EIF2AK4: variants seen among roughly 807,000 people sequenced by gnomAD.
EIF2AK4 encodes eukaryotic translation initiation factor 2 alpha kinase 4.
EIF2AK4 carries 139 observed loss-of-function variants against 211.1 expected under a neutral mutation model. That is an observed-to-expected ratio of 0.66 (90% confidence interval 0.57 to 0.76). The LOEUF (loss-of-function observed/expected upper bound fraction) is 0.76, where lower values mean the gene tolerates loss of function less well. EIF2AK4 is among the 30% of genes least tolerant of loss of function. The pLI, the probability that EIF2AK4 is intolerant of heterozygous loss-of-function variation, is 0.00. For missense variants in EIF2AK4, 1,664 were observed against 2,043.8 expected (o/e 0.81, Z 3.58); for synonymous variants, 710 against 751.3 (o/e 0.94, Z 0.90).
In EIF2AK4 at chr15:39,950,589, CAAAAAAA is replaced by C. The variant is rs771231139; in HGVS notation, c.513+1332_513+1338del. 1.2e-4 allele frequency among the ~76,000 whole-genome samples: 7 copies of C among 59,780 alleles called. No homozygotes were observed. The South Asian group carries it at 2.1e-3, about 18-fold the overall frequency. The allele number at this position is 59,780 out of a possible 152,430, so 39.2% of individuals were successfully genotyped here. On this transcript the variant is annotated intron_variant, in intron 4 of 38. Coordinates refer to ENST00000263791, the MANE Select transcript of EIF2AK4 (RefSeq NM_001013703.4). ...CTGGGCGACAACTAGACTCTGTCTT[CAAAAAAA>C]AAAAAAAAAAGAAAAGAAAAGAAAA...
rs200699205 is a variant in EIF2AK4, at chr15:39,976,797, G to C, written c.2202G>C (p.Glu734Asp). 1.1e-5 allele frequency: 17 copies of C among 1,574,414 alleles called. No individual in the cohort carries two copies. Among genetic ancestry groups the C allele is most frequent in the Non-Finnish European group, 1.4e-5 (16 of 1,163,050 alleles). The stretch of plus-strand genomic sequence containing the variant: ...CCGGCCCGGGCTCCAGCGATGACGA[G>C]GACGACGACGAGGACGAGCACGGTG... ...PATGPGSSDD[E>D]DDDEDEHGGV... Residue 734 changes from glutamate to aspartate, a missense_variant, in exon 12 of 39, where the codon GAG becomes GAC. Glu to Asp is a conservative substitution (Grantham distance 45, BLOSUM62 2). This residue lies in a region of EIF2AK4 where 206 missense variants were observed against 201.9 expected (regional missense o/e 1.02). Transcript: ENST00000263791.
At position 40,031,146 on chromosome 15, in the gene EIF2AK4, AG is replaced by A. The variant is rs532527793; in HGVS notation, c.4659+692del. The stretch of plus-strand genomic sequence containing the variant: ...TCCCAGCCACTCGGGAGGCTGAGAC[AG>A]GAGAATTGCTTGAACTGGGGAGGCA... On this transcript the variant is annotated intron_variant, in intron 35 of 38. Coordinates refer to ENST00000263791, the MANE Select transcript of EIF2AK4 (RefSeq NM_001013703.4). 8.5e-5 allele frequency among the ~76,000 whole-genome samples: 13 copies of A among 152,310 alleles called. No homozygotes were observed. In the South Asian group the frequency reaches 2.7e-3, roughly 32 times the overall value.
chr15:39,979,395 T>C (rs987348819), intron 13 of EIF2AK4, among the ~76,000 whole-genome samples: 2 of 152,208 alleles, frequency 1.3e-5, no homozygotes, highest in African/African-American at 2.4e-5. Flanking sequence ...TCATAAAACA[T>C]GCTCATCAGA....
At chr15:39,947,477 T>C (rs1472750968) in intron 3 of EIF2AK4, among the ~76,000 whole-genome samples, 2 of 152,242 alleles carry the variant, frequency 1.3e-5, no homozygotes, top group South Asian at 2.1e-4. Context: ...TTTTTCAAAT[T>C]TGTAAAGCCA....
In EIF2AK4 at chr15:39,934,219, C is replaced by T. The variant is rs769852698; in HGVS notation, c.24C>T (p.Pro8=). Residue 8 remains proline, a synonymous_variant, in exon 1 of 39, where the codon CCC becomes CCT. Transcript: ENST00000263791. Reference sequence around the variant, plus strand: ...CCATGGCTGGGGGCCGTGGGGCCCCCGGGCGCGGCCGGGACGAGCCTCCGG... The same window carrying T: ...CCATGGCTGGGGGCCGTGGGGCCCCTGGGCGCGGCCGGGACGAGCCTCCGG... MAGGRGA[P]GRGRDEPPES... is the part of the protein sequence containing the mutation. 5.0e-6 allele frequency: 8 copies of T among 1,587,800 alleles called. No homozygotes were observed. The highest frequency in any genetic ancestry group is 1.8e-5 in the Admixed American group (1 of 57,032).
intron 3 of EIF2AK4, among the ~76,000 whole-genome samples, chr15:39,944,662 T>C (rs1373670792): frequency 6.6e-6 from 1 of 152,150 alleles, no homozygotes; most frequent in African/African-American, 2.4e-5. Flanking sequence ...CTCAATCTCC[T>C]GACCTCGTGG....
intron 27 of EIF2AK4, among the ~76,000 whole-genome samples, chr15:40,016,098 A>C (rs2140942492): frequency 6.6e-6 from 1 of 152,348 alleles, no homozygotes; most frequent in South Asian, 2.1e-4. Context: ...GTATTAAAAC[A>C]AGTCAGACTT....
At chr15:39,960,465 A>G (rs964680462) in intron 6 of EIF2AK4, among the ~76,000 whole-genome samples, 1 of 152,160 alleles carries the variant, frequency 6.6e-6, no homozygotes, top group African/African-American at 2.4e-5. Flanking sequence ...ATGGATGACT[A>G]TGCCCCTAAC....
In EIF2AK4 at chr15:40,034,308, T is replaced by A. The variant is rs1442096878; in HGVS notation, c.4774-18T>A. The A allele has an allele frequency of 6.2e-7, 1 of 1,605,564 alleles. No individual in the cohort carries two copies. Among genetic ancestry groups the A allele is most frequent in the African/African-American group, 1.3e-5 (1 of 74,664 alleles). On this transcript the variant is annotated intron_variant, in intron 37 of 38. Coordinates refer to ENST00000263791, the MANE Select transcript of EIF2AK4 (RefSeq NM_001013703.4). ...ACCCTAGAGACCTGTTGTTAAGTCT[T>A]ATCTATTTTTTTCCTAGTGGGATGC...
chr15:39,953,558 A>C (rs1460665622), intron 4 of EIF2AK4, among the ~76,000 whole-genome samples: 1 of 152,220 alleles, frequency 6.6e-6, no homozygotes, highest in African/African-American at 2.4e-5. Context: ...TGTTCTCTGC[A>C]GATAGGCAGA....
chr15:39,960,770 G>A lies in EIF2AK4; in HGVS notation c.744-1014G>A, dbSNP rs1217117661. Reference sequence around the variant, plus strand: ...AGATCCCAGAGGAGACCTTTGTAGGGGATGGGACTGAGGACAGGGGTAGCC... The same window carrying A: ...AGATCCCAGAGGAGACCTTTGTAGGAGATGGGACTGAGGACAGGGGTAGCC... On this transcript the variant is annotated intron_variant, in intron 6 of 38. Transcript: ENST00000263791. Among the ~76,000 whole-genome samples, 4 of 152,108 alleles carry A rather than the reference G, an allele frequency of 2.6e-5. No homozygotes were observed. The East Asian group carries it at 5.8e-4, about 22-fold the overall frequency.
At position 39,955,626 on chromosome 15, in the gene EIF2AK4, T is replaced by G; in HGVS notation, c.601T>G (p.Leu201Val). 1 of 1,606,226 alleles carries G rather than the reference T, an allele frequency of 6.2e-7. No individual in the cohort carries two copies. Among genetic ancestry groups the G allele is most frequent in the Non-Finnish European group, 8.5e-7 (1 of 1,177,984 alleles). The change falls in exon 6 of 39, where the codon TTG becomes GTG. Residue 201 changes from leucine to valine, a missense_variant. Transcript: ENST00000263791. ...TTTACTTTTCTTGTTCTAGGAACGT[T>G]TGGAAATTGCTAGTTTGTCAAACCA... ...KRKEMAKQER[L>V]EIASLSNQDH...
intron 13 of EIF2AK4, among the ~76,000 whole-genome samples, chr15:39,978,455 T>G (rs1476395407): frequency 6.6e-6 from 1 of 152,222 alleles, no homozygotes; most frequent in Non-Finnish European, 1.5e-5. Context: ...GGATAAGAAT[T>G]GAATGCAAAT....
intron 1 of EIF2AK4, among the ~76,000 whole-genome samples, chr15:39,936,098 C>T (rs2034060545): frequency 6.6e-6 from 1 of 152,076 alleles, no homozygotes; most frequent in Admixed American, 6.5e-5. Context: ...GCTCCTAGGG[C>T]TGCAGAAAAA....
At chr15:39,980,226 T>TA (rs1727027516) in intron 13 of EIF2AK4, among the ~76,000 whole-genome samples, 1 of 152,230 alleles carries the variant, frequency 6.6e-6, no homozygotes, top group Non-Finnish European at 1.5e-5. Flanking sequence ...GACGTACGCT[T>TA]ACCCTTTCTC....
rs1036103094 is a variant in EIF2AK4, at chr15:40,032,074, T to C, written c.4660-95T>C. The C allele has an allele frequency of 5.6e-5, 60 of 1,072,860 alleles. No individual in the cohort carries two copies. In the African/African-American group the frequency reaches 8.3e-4, roughly 15 times the overall value. 66.5% of individuals were successfully genotyped at this position (1,072,860 alleles called of 1,614,324 possible). ...TTGGAATCCTTTCTAGGCTTTGGTATGTAACCCTGTGATTGTATCCTGGGA... is the reference window on the plus strand; with the variant it reads ...TTGGAATCCTTTCTAGGCTTTGGTACGTAACCCTGTGATTGTATCCTGGGA... On this transcript the variant is annotated intron_variant, in intron 35 of 38. Transcript: ENST00000263791.
intron 22 of EIF2AK4, 121 bp from the exon 23 acceptor site, chr15:40,003,072 T>C (rs2035113906): frequency 7.1e-7 from 1 of 1,416,626 alleles, no homozygotes; most frequent in South Asian, 1.4e-5. Flanking sequence ...TCAAGAAAAA[T>C]TGATATGACT....
intron 3 of EIF2AK4, among the ~76,000 whole-genome samples, chr15:39,946,293 G>C (rs1383336426): frequency 6.6e-6 from 1 of 152,202 alleles, no homozygotes; most frequent in African/African-American, 2.4e-5. Flanking sequence ...ATGAACAGGA[G>C]TTTGGAATAT....
chr15:39,982,414 G>T (rs1258844205), intron 13 of EIF2AK4, among the ~76,000 whole-genome samples: 1 of 152,166 alleles, frequency 6.6e-6, no homozygotes, highest in African/African-American at 2.4e-5. Flanking sequence ...GAGTTTTTCT[G>T]TTTAATACCT....
Sources: gnomAD v4.1 joint callset for allele counts (sites outside exome capture counted in the v4.1 genomes callset) on GRCh38, gnomAD v4.1.1 for gene constraint, gnomAD v4.1.1 regional missense constraint, MANE v1.5 for transcripts, NCBI Gene and HGNC (gene_info 2026-07-23, HGNC 2026-07-21) for gene names.